CARMIL1: variants seen among roughly 807,000 people sequenced by gnomAD.
CARMIL1 encodes F-actin-uncapping protein LRRC16A.
Under a neutral mutation model 177.1 loss-of-function variants are expected in CARMIL1, and 90 were observed. The observed-to-expected ratio is 0.51, with a 90% CI of 0.43 to 0.61. The LOEUF (loss-of-function observed/expected upper bound fraction) is 0.61. CARMIL1 is among the 20% of genes least tolerant of loss of function. The probability of loss-of-function intolerance (pLI) is 0.00; values close to 1 mark genes in which losing one functional copy is unlikely to be tolerated. For missense variants in CARMIL1, 1,380 were observed against 1,667.0 expected (o/e 0.83, Z 3.00); for synonymous variants, 577 against 606.2 (o/e 0.95, Z 0.71).
At chr6:25,564,916 A>G (rs1035606842) in intron 29 of CARMIL1, among the ~76,000 whole-genome samples, 2 of 152,152 alleles carry the variant, frequency 1.3e-5, no homozygotes, top group African/African-American at 4.8e-5. Flanking sequence ...AGCACAGAGA[A>G]GTGGTGTCCA....
chr6:25,337,185 TG>T (rs1329760525), intron 2 of CARMIL1, among the ~76,000 whole-genome samples: 1 of 152,228 alleles, frequency 6.6e-6, no homozygotes, highest in African/African-American at 2.4e-5. Flanking sequence ...ACTTCCTTAT[TG>T]CCATACAGCT....
At chr6:25,491,898 T>C (rs779922079) in intron 14 of CARMIL1, 50 bp from the exon 15 acceptor site, 8 of 1,585,752 alleles carry the variant, frequency 5.0e-6, no homozygotes, top group Middle Eastern at 1.7e-4. Context: ...TAAAAGATTC[T>C]CCTGGACCTA....
intron 2 of CARMIL1, among the ~76,000 whole-genome samples, chr6:25,347,554 G>T (rs1310153500): frequency 6.6e-6 from 1 of 152,228 alleles, no homozygotes. Flanking sequence ...AAGAAATACT[G>T]TGAAATTAAC....
intron 31 of CARMIL1, among the ~76,000 whole-genome samples, chr6:25,586,963 AGAGACCGTGGAGAGAGAGGGAGAGG>A (rs1354294083): frequency 2.3e-4 from 34 of 145,114 alleles, no homozygotes; most frequent in African/African-American, 7.6e-4. Flanking sequence ...GAAGAGGGAG[AGAGACCGTGGAGAGAGAGGGAGAGG>A]GAGACCGTGG....
chr6:25,455,123 G>C (rs1799373430), intron 8 of CARMIL1, among the ~76,000 whole-genome samples: 1 of 152,048 alleles, frequency 6.6e-6, no homozygotes, highest in East Asian at 1.9e-4. Flanking sequence ...TCCCCTATTT[G>C]AACATAATTC....
Position 25,373,575 on chromosome 6 carries a change from A to ATC in CARMIL1, c.139-46525_139-46524dup, listed in dbSNP as rs1371592759. On this transcript the variant is annotated intron_variant, in intron 2 of 36. Coordinates refer to ENST00000329474, the MANE Select transcript of CARMIL1 (RefSeq NM_017640.6). ...TTTTGGTTATAATGTCTCAATTTTC[A>ATC]TCTCTCTCTCTCTCTTTTTTTTTTT... Among the ~76,000 whole-genome samples, 1,092 of 144,338 alleles carry ATC rather than the reference A, an allele frequency of 7.6e-3. 14 individuals carry two copies. Among genetic ancestry groups the ATC allele is most frequent in the African/African-American group, 0.026 (1,014 of 38,630 alleles). 94.7% of individuals were successfully genotyped at this position (144,338 alleles called of 152,430 possible).
intron 8 of CARMIL1, among the ~76,000 whole-genome samples, chr6:25,460,940 C>T (rs747233257): frequency 1.1e-4 from 16 of 152,312 alleles, no homozygotes; most frequent in Middle Eastern, 3.4e-3. Context: ...AAAAGACTTA[C>T]ATGTATCAAT....
rs1784634690 is a variant in CARMIL1 at position 25,321,053 on chromosome 6, G to GCCCCCAC, written c.138+36149_138+36155dup. Among the ~76,000 whole-genome samples, 6 of 101,340 alleles carry GCCCCCAC rather than the reference G, an allele frequency of 5.9e-5. No individual in the cohort carries two copies. The South Asian group carries it at 2.1e-3, about 36-fold the overall frequency. The allele number at this position is 101,340 out of a possible 152,430, so 66.5% of individuals were successfully genotyped here. ...CTGAACTACTCATCTGCCTCCCCCA[G>GCCCCCAC]CCCCCACCCCCACCCCACACATCCA... On this transcript the variant is annotated intron_variant, in intron 2 of 36. Transcript: ENST00000329474.
chr6:25,552,337 T>C (rs540058637), intron 27 of CARMIL1, among the ~76,000 whole-genome samples: 2 of 152,294 alleles, frequency 1.3e-5, no homozygotes, highest in South Asian at 4.1e-4. Context: ...GATCATATTT[T>C]GATAGCTTTG....
chr6:25,487,348 T>C (rs1318525805), intron 12 of CARMIL1, among the ~76,000 whole-genome samples: 1 of 152,188 alleles, frequency 6.6e-6, no homozygotes, highest in Non-Finnish European at 1.5e-5. Context: ...CTCTTCTCCA[T>C]GAAGGGTCTG....
At chr6:25,467,204 G>A (rs1331646861) in intron 9 of CARMIL1, among the ~76,000 whole-genome samples, 1 of 152,200 alleles carries the variant, frequency 6.6e-6, no homozygotes, top group Non-Finnish European at 1.5e-5. Context: ...GTTGGCATGA[G>A]TTGGATCCAG....
At chr6:25,538,099 A>G in intron 25 of CARMIL1, 116 bp downstream of exon 25, 1 of 1,138,748 alleles carries the variant, frequency 8.8e-7, no homozygotes, top group Non-Finnish European at 1.2e-6. Context: ...TTTACTAACA[A>G]GTGGCAAAGT....
chr6:25,314,245 C>G (rs1258167606), intron 2 of CARMIL1, among the ~76,000 whole-genome samples: 4 of 125,902 alleles, frequency 3.2e-5, no homozygotes, highest in Non-Finnish European at 6.9e-5. Context: ...GAGGCCGAGG[C>G]GGGTGGATCA....
chr6:25,613,942 G>C (rs981493815), intron 36 of CARMIL1, among the ~76,000 whole-genome samples: 1 of 152,136 alleles, frequency 6.6e-6, no homozygotes, highest in Non-Finnish European at 1.5e-5. Context: ...AAGTTAATGG[G>C]AGTGACCTTA....
chr6:25,470,503 A>G (rs966596675), intron 9 of CARMIL1, among the ~76,000 whole-genome samples: 3 of 152,228 alleles, frequency 2.0e-5, no homozygotes, highest in Admixed American at 6.5e-5. Flanking sequence ...AGGTGCACCT[A>G]TATGTATGCA....
intron 26 of CARMIL1, among the ~76,000 whole-genome samples, chr6:25,543,109 T>A (rs1448366842): frequency 6.6e-6 from 1 of 152,176 alleles, no homozygotes; most frequent in Non-Finnish European, 1.5e-5. Flanking sequence ...AGGCCTAGAT[T>A]TGTGTCCTGG....
intron 23 of CARMIL1, among the ~76,000 whole-genome samples, chr6:25,524,316 C>T (rs1432375216): frequency 1.3e-5 from 2 of 152,180 alleles, no homozygotes; most frequent in East Asian, 3.9e-4. Context: ...CACCTTATCA[C>T]CATGTCAAGT....
intron 4 of CARMIL1, among the ~76,000 whole-genome samples, chr6:25,429,994 C>G (rs752129102): frequency 1.3e-5 from 2 of 151,842 alleles, no homozygotes; most frequent in East Asian, 1.9e-4. Flanking sequence ...TACAAGCACG[C>G]GTCATGACAT....
intron 10 of CARMIL1, among the ~76,000 whole-genome samples, 196 bp downstream of exon 10, chr6:25,471,453 G>A (rs939365033): frequency 1.3e-5 from 2 of 151,802 alleles, no homozygotes; most frequent in African/African-American, 4.8e-5. Flanking sequence ...TCTTGATAAC[G>A]GTGTCACTTG....
Sources: gnomAD v4.1 joint callset for allele counts (sites outside exome capture counted in the v4.1 genomes callset) on GRCh38, gnomAD v4.1.1 for gene constraint, MANE v1.5 for transcripts, NCBI Gene and HGNC (gene_info 2026-07-23, HGNC 2026-07-21) for gene names.